Variants in XKR9 observed in about 807,000 individuals in gnomAD.
The protein encoded by XKR9 is XK related 9.
In XKR9, 32 loss-of-function variants were observed where a neutral mutation model predicts 32.0. The ratio of observed to expected loss-of-function variants is 1.00; its 90% CI spans 0.76 to 1.34. XKR9 has a LOEUF of 1.34. Ranked by LOEUF, XKR9 falls within the 40% of genes most tolerant of loss-of-function variation. The probability of loss-of-function intolerance (pLI) is 0.00; values close to 1 mark genes in which losing one functional copy is unlikely to be tolerated. For synonymous variants in XKR9, 168 were observed against 143.4 expected (o/e 1.17, Z -1.22); for missense variants, 546 against 429.7 (o/e 1.27, Z -2.39).
chr8:70,892,458 G>T, the XKR9 span, among the ~76,000 whole-genome samples: 1 of 151,946 alleles, frequency 6.6e-6, no homozygotes, highest in African/African-American at 2.4e-5. Flanking sequence ...ATGTTTTTAT[G>T]ATAGTGATTA....
At chr8:71,022,690 T>A in the XKR9 span, among the ~76,000 whole-genome samples, 1 of 152,152 alleles carries the variant, frequency 6.6e-6, no homozygotes, top group Non-Finnish European at 1.5e-5. Context: ...TTTTCAGCTA[T>A]TAGTTTTTTA....
chr8:70,897,036 C>T, the XKR9 span, among the ~76,000 whole-genome samples: 4 of 152,096 alleles, frequency 2.6e-5, no homozygotes, highest in East Asian at 7.7e-4. Flanking sequence ...CCATTCCCCA[C>T]TACCCTTCCC....
chr8:70,726,671 C>G (rs182765761), intron 4 of XKR9, among the ~76,000 whole-genome samples: 199 of 152,272 alleles, frequency 1.3e-3, no homozygotes, highest in Non-Finnish European at 1.4e-3. Flanking sequence ...GTGGTCCAGT[C>G]AAAGCAAGAG....
the XKR9 span, among the ~76,000 whole-genome samples, chr8:70,827,582 C>T: frequency 2.0e-5 from 3 of 152,114 alleles, no homozygotes; most frequent in East Asian, 5.8e-4. Flanking sequence ...ATCTCTGTGG[C>T]CTGTAGCATA....
At chr8:70,694,786 C>T (rs995836382) in intron 3 of XKR9, among the ~76,000 whole-genome samples, 9 of 152,166 alleles carry the variant, frequency 5.9e-5, no homozygotes, top group South Asian at 4.1e-4. Context: ...TGTTCAGCCC[C>T]ATAGATTCAG....
chr8:70,765,198 C>G (rs777167658), intron 2 of XKR9, among the ~76,000 whole-genome samples: 1 of 152,170 alleles, frequency 6.6e-6, no homozygotes, highest in Non-Finnish European at 1.5e-5. Flanking sequence ...AACTAATTTA[C>G]ACTCCCACCA....
chr8:70,742,556 T>C (rs558032992), intron 2 of XKR9, among the ~76,000 whole-genome samples: 6 of 152,252 alleles, frequency 3.9e-5, no homozygotes, highest in Non-Finnish European at 8.8e-5. Context: ...TAATTTGTTA[T>C]AGTTTTTTTG....
At chr8:70,937,643 C>T in the XKR9 span, among the ~76,000 whole-genome samples, 3 of 152,130 alleles carry the variant, frequency 2.0e-5, no homozygotes, top group South Asian at 6.2e-4. Context: ...TGGAGATTTC[C>T]AGCGGTCTCC....
At chr8:71,012,477 A>C in the XKR9 span, among the ~76,000 whole-genome samples, 23 of 152,168 alleles carry the variant, frequency 1.5e-4, no homozygotes, top group Non-Finnish European at 5.9e-5. Context: ...CACTTTTGTT[A>C]ATTCTAGCCA....
At chr8:70,811,068 A>G in the XKR9 span, among the ~76,000 whole-genome samples, 1 of 152,202 alleles carries the variant, frequency 6.6e-6, no homozygotes, top group South Asian at 2.1e-4. Context: ...AATGTAAAAG[A>G]ACAGAAATTA....
At chr8:70,886,447 T>C in the XKR9 span, among the ~76,000 whole-genome samples, 3,339 of 152,326 alleles carry the variant, frequency 0.022, 135 homozygotes, top group African/African-American at 0.076. Context: ...TGGTTCTATA[T>C]CCTTGAGGAA....
At chr8:70,860,775 C>T in the XKR9 span, among the ~76,000 whole-genome samples, 4 of 151,856 alleles carry the variant, frequency 2.6e-5, no homozygotes, top group Admixed American at 6.6e-5. Context: ...GAGTTCAGCT[C>T]TGCAGACTAG....
chr8:70,817,693 C>G, the XKR9 span, among the ~76,000 whole-genome samples: 1 of 152,134 alleles, frequency 6.6e-6, no homozygotes, highest in South Asian at 2.1e-4. Context: ...AAGAACAAAG[C>G]TGGAGGTATC....
intron 2 of XKR9, among the ~76,000 whole-genome samples, chr8:70,742,286 G>A (rs980193140): frequency 6.6e-6 from 1 of 152,152 alleles, no homozygotes; most frequent in Non-Finnish European, 1.5e-5. Context: ...CTTTTAGGAG[G>A]TAGGAAATCT....
intron 2 of XKR9, among the ~76,000 whole-genome samples, chr8:70,742,559 T>C (rs900934702): frequency 7.2e-5 from 11 of 152,186 alleles, no homozygotes; most frequent in African/African-American, 2.7e-4. Flanking sequence ...TTTGTTATAG[T>C]TTTTTTGTAT....
At chr8:70,792,122 A>T (rs921770553), downstream of XKR9, among the ~76,000 whole-genome samples, 2 of 152,134 alleles carry the variant, frequency 1.3e-5, no homozygotes, top group Non-Finnish European at 2.9e-5. Flanking sequence ...GATAAAGGAT[A>T]TCTCTCTAAT....
At chr8:70,728,491 A>C (rs1248995831) in intron 4 of XKR9, among the ~76,000 whole-genome samples, 1 of 152,162 alleles carries the variant, frequency 6.6e-6, no homozygotes, top group African/African-American at 2.4e-5. Flanking sequence ...CATTTAAGGG[A>C]ATAGTATACT....
the XKR9 span, among the ~76,000 whole-genome samples, chr8:70,953,590 G>A: frequency 6.6e-6 from 1 of 152,132 alleles, no homozygotes; most frequent in Non-Finnish European, 1.5e-5. Flanking sequence ...GGGATTATCG[G>A]TGTGAGCCAC....
the XKR9 span, among the ~76,000 whole-genome samples, chr8:70,842,730 T>C: frequency 6.6e-6 from 1 of 152,236 alleles, no homozygotes; most frequent in African/African-American, 2.4e-5. Context: ...CCCTACTTCC[T>C]AACTCCAACA....
Sources: gnomAD v4.1 joint callset for allele counts (sites outside exome capture counted in the v4.1 genomes callset) on GRCh38, gnomAD v4.1.1 for gene constraint, MANE v1.5 for transcripts, NCBI Gene and HGNC (gene_info 2026-07-23, HGNC 2026-07-21) for gene names.